FRMPD4: variants seen among roughly 807,000 people sequenced by gnomAD.
FRMPD4 encodes FERM and PDZ domain-containing protein 4.
In FRMPD4, 22 loss-of-function variants were observed where a neutral mutation model predicts 94.1. The ratio of observed to expected loss-of-function variants is 0.23; its 90% CI spans 0.17 to 0.33. FRMPD4 has a LOEUF of 0.33. FRMPD4 is among the 10% of genes least tolerant of loss of function. FRMPD4 has a pLI of 1.00. For synonymous variants in FRMPD4, 631 were observed against 548.6 expected, an observed-to-expected ratio of 1.15 and a Z score of -2.10; for missense variants, 1,111 against 1,339.9, an observed-to-expected ratio of 0.83 and a Z score of 2.67.
rs1391534115 is a variant in FRMPD4 at position 12,686,022 on chromosome X, T to C, written c.574-75T>C. 6 of 506,357 alleles carry C rather than the reference T, an allele frequency of 1.2e-5. No homozygotes were observed. In the East Asian group the frequency reaches 2.1e-4, roughly 18 times the overall value. The allele number at this position is 506,357 out of a possible 1,213,427, so 41.7% of individuals were successfully genotyped here. The stretch of plus-strand genomic sequence containing the variant: ...TTAATGCCATGCTTAGAATAAAGTA[T>C]AGATGTGCTGCTACTGCAAAGAGAA... On this transcript the variant is annotated intron_variant, in intron 6 of 16. Coordinates refer to ENST00000675598, the MANE Select transcript of FRMPD4 (RefSeq NM_001368397.1).
chrX:12,579,071 C>A (rs1432760587), intron 2 of FRMPD4, among the ~76,000 whole-genome samples: 1 of 112,098 alleles, frequency 8.9e-6, no homozygotes, highest in Admixed American at 9.4e-5. Context: ...ATTGGATAGT[C>A]ATGGAGAATA....
chrX:12,103,103 C>G (rs142264779), intron 3 of FRMPD4, among the ~76,000 whole-genome samples: 1,394 of 111,293 alleles, frequency 0.013, 14 homozygotes, highest in Middle Eastern at 0.055. Context: ...ATCCTCTCCC[C>G]AGATTTTCTG....
intron 1 of FRMPD4, among the ~76,000 whole-genome samples, chrX:12,148,149 AT>A (rs1025353289): frequency 4.5e-5 from 5 of 112,289 alleles, no homozygotes; most frequent in Admixed American, 3.8e-4. Context: ...GCCAGAAATA[AT>A]TAAGTTTGGT....
intron 4 of FRMPD4, among the ~76,000 whole-genome samples, chrX:12,663,195 T>G (rs1333519411): frequency 8.9e-6 from 1 of 112,172 alleles, no homozygotes; most frequent in Non-Finnish European, 1.9e-5. Flanking sequence ...GTGCAGAAGC[T>G]CTTTAGTTTA....
chrX:12,657,093 A>C (rs903711076), intron 4 of FRMPD4, among the ~76,000 whole-genome samples: 18 of 110,572 alleles, frequency 1.6e-4, no homozygotes, highest in African/African-American at 5.9e-4. Flanking sequence ...TCTAAAAAAA[A>C]AAAAAACAAA....
chrX:12,215,166 G>C (rs1280284264), intron 1 of FRMPD4, among the ~76,000 whole-genome samples: 3 of 111,568 alleles, frequency 2.7e-5, no homozygotes, highest in Non-Finnish European at 5.6e-5. Flanking sequence ...TCTCGAAGTA[G>C]GTATGTTTCC....
chrX:12,415,043 T>C (rs1468593255), intron 1 of FRMPD4, among the ~76,000 whole-genome samples: 1 of 111,203 alleles, frequency 9.0e-6, no homozygotes, highest in African/African-American at 3.3e-5. Context: ...GCTGCTGACA[T>C]TTTATCTAGG....
chrX:12,236,279 A>G (rs1361564472), intron 1 of FRMPD4, among the ~76,000 whole-genome samples: 2 of 111,950 alleles, frequency 1.8e-5, no homozygotes, highest in African/African-American at 3.2e-5. Context: ...TGAGACTCAG[A>G]TAACGTTGTA....
intron 3 of FRMPD4, among the ~76,000 whole-genome samples, chrX:12,027,016 A>G (rs1200813888): frequency 9.0e-6 from 1 of 111,284 alleles, no homozygotes; most frequent in Non-Finnish European, 1.9e-5. Flanking sequence ...TATAGCCTTC[A>G]TAACTGGTGA....
intron 2 of FRMPD4, among the ~76,000 whole-genome samples, chrX:11,874,324 A>C (rs1026675033): frequency 8.1e-5 from 9 of 110,691 alleles, no homozygotes; most frequent in African/African-American, 2.6e-4. Context: ...TAGTTTTTTA[A>C]ATTTTTGTAG....
At chrX:11,959,213 A>G in intron 3 of FRMPD4, among the ~76,000 whole-genome samples, 1 of 112,249 alleles carries the variant, frequency 8.9e-6, no homozygotes, top group Non-Finnish European at 1.9e-5. Flanking sequence ...ATTTCTTATA[A>G]AGGGTTGCAG....
intron 1 of FRMPD4, among the ~76,000 whole-genome samples, chrX:12,316,558 T>G (rs918897560): frequency 3.6e-5 from 4 of 112,213 alleles, no homozygotes; most frequent in African/African-American, 1.3e-4. Context: ...TAAATTCAAC[T>G]GAAAACTTGC....
At chrX:12,253,866 G>A (rs2054078400) in intron 1 of FRMPD4, among the ~76,000 whole-genome samples, 1 of 111,046 alleles carries the variant, frequency 9.0e-6, no homozygotes, top group Middle Eastern at 4.2e-3. Context: ...TGTACTCCAT[G>A]AACAAGGGAA....
intron 2 of FRMPD4, among the ~76,000 whole-genome samples, chrX:12,536,587 G>A (rs781701939): frequency 8.9e-6 from 1 of 111,913 alleles, no homozygotes; most frequent in South Asian, 3.7e-4. Flanking sequence ...TAATAATATG[G>A]TAAAATAGCT....
At chrX:12,371,020 A>G (rs1006888582) in intron 1 of FRMPD4, among the ~76,000 whole-genome samples, 1 of 112,150 alleles carries the variant, frequency 8.9e-6, no homozygotes, top group Non-Finnish European at 1.9e-5. Context: ...CTGTTATTGG[A>G]TAGGGAATGC....
At chrX:12,264,979 G>A (rs1018612774) in intron 1 of FRMPD4, among the ~76,000 whole-genome samples, 9 of 111,953 alleles carry the variant, frequency 8.0e-5, no homozygotes, top group Admixed American at 5.7e-4. Flanking sequence ...GAAAATTAAG[G>A]CCTAATGCTG....
At chrX:12,596,268 G>A (rs2059030174) in intron 2 of FRMPD4, among the ~76,000 whole-genome samples, 1 of 111,288 alleles carries the variant, frequency 9.0e-6, no homozygotes, top group African/African-American at 3.3e-5. Flanking sequence ...GCTCACTGGT[G>A]GGGAGAATTT....
intron 1 of FRMPD4, among the ~76,000 whole-genome samples, chrX:12,426,474 T>C (rs1220279987): frequency 9.0e-6 from 1 of 111,531 alleles, no homozygotes; most frequent in Non-Finnish European, 1.9e-5. Flanking sequence ...AAGAAAAGAC[T>C]GGGTCCTGAA....
intron 1 of FRMPD4, among the ~76,000 whole-genome samples, chrX:12,342,444 G>C (rs2055629763): frequency 9.0e-6 from 1 of 111,685 alleles, no homozygotes; most frequent in Non-Finnish European, 1.9e-5. Context: ...AACTATCAGT[G>C]AAAGAGCAGG....
Sources: allele counts gnomAD v4.1 joint callset (sites outside exome capture counted in the v4.1 genomes callset), GRCh38; gene constraint gnomAD v4.1.1; transcripts MANE v1.5; gene names NCBI Gene and HGNC (gene_info 2026-07-23, HGNC 2026-07-21).